Variants in SHISA3 observed in about 807,000 individuals in gnomAD.
The protein encoded by SHISA3 is protein shisa-3 homolog.
SHISA3 carries 15 observed loss-of-function variants against 19.2 expected under a neutral mutation model. That is an observed-to-expected ratio of 0.78 (90% CI 0.52 to 1.20). The LOEUF is 1.20. Among genes scored for constraint, SHISA3 ranks in the 50% most tolerant of loss-of-function variants. The pLI, the probability that SHISA3 is intolerant of heterozygous loss-of-function variation, is 0.00. For missense variants in SHISA3, 327 were observed against 315.7 expected (o/e 1.04, Z -0.27); for synonymous variants, 145 against 135.2 (o/e 1.07, Z -0.50).
At chr4:42,398,376 G>A in intron 1 of SHISA3, 43 bp downstream of exon 1, 4 of 1,484,428 alleles carry the variant, frequency 2.7e-6, no homozygotes, top group Non-Finnish European at 3.6e-6. Context: ...CCCGCCTAAC[G>A]GCGGCGGCTG....
Position 42,398,292 on chromosome 4 carries a change from C to G in SHISA3, c.236C>G (p.Thr79Ser). Residue 79 changes from threonine to serine, a missense_variant, in exon 1 of 2, where the codon ACC (threonine) becomes AGC (serine). Thr to Ser is a moderately conservative substitution (Grantham distance 58). Transcript: ENST00000319234. ...ADARLEQGGC[T>S]NDRRELEHPG... ...GCCAGGCTGGAGCAGGGCGGCTGCA[C>G]CAACGACCGCCGCGAACTGGAGCAC... 1 of 1,562,440 alleles carries G rather than the reference C, an allele frequency of 6.4e-7. No individual in the cohort carries two copies. Among genetic ancestry groups the G allele is most frequent in the Non-Finnish European group, 8.7e-7 (1 of 1,154,754 alleles).
chr4:42,398,736 G>C (rs777218351), intron 1 of SHISA3, among the ~76,000 whole-genome samples: 4 of 152,188 alleles, frequency 2.6e-5, no homozygotes, highest in Non-Finnish European at 5.9e-5. Context: ...TTGTCACTTC[G>C]GGAGCTTCGG....
chr4:42,397,545 C>G lies in SHISA3; in HGVS notation c.-512C>G, dbSNP rs1040530920. 6.6e-6 allele frequency among the ~76,000 whole-genome samples: 1 copy of G among 152,328 alleles called. No individual in the cohort carries two copies. The highest frequency in any genetic ancestry group is 1.5e-5 in the Non-Finnish European group (1 of 68,010). ...GCGGAGCTGACTCCTGCTCCTGTGA[C>G]AGATAGGGGCTGGGGCTGAGCGGCC... On this transcript the variant is annotated 5_prime_UTR_variant, in exon 1 of 2. Transcript: ENST00000319234.
At chr4:42,398,488 T>TG (rs1711814300) in intron 1 of SHISA3, among the ~76,000 whole-genome samples, 155 bp downstream of exon 1, 1 of 151,488 alleles carries the variant, frequency 6.6e-6, no homozygotes, top group South Asian at 2.1e-4. Flanking sequence ...AAGGGATGAG[T>TG]GGGTGGTCGC....
chr4:42,402,415 G>T lies in SHISA3; in HGVS notation c.*964G>T, dbSNP rs956532814. 6.6e-6 allele frequency: 1 copy of T among 151,978 alleles called. No homozygotes were observed. The highest frequency in any genetic ancestry group is 1.5e-5 in the Non-Finnish European group (1 of 68,012). 9.4% of individuals were successfully genotyped at this position (151,978 alleles called of 1,614,324 possible). On this transcript the variant is annotated 3_prime_UTR_variant, in exon 2 of 2. Transcript: ENST00000319234. ...TCCAGTGCCCCTGAATTTTATGTTT[G>T]ATGACTATATATTTGGGCATATATC...
At position 42,401,286 on chromosome 4, in the gene SHISA3, G is replaced by C. The variant is rs148621294; in HGVS notation, c.552G>C (p.Glu184Asp). 1 of 1,614,118 alleles carries C rather than the reference G, an allele frequency of 6.2e-7. No individual in the cohort carries two copies. The highest frequency in any genetic ancestry group is 1.3e-5 in the African/African-American group (1 of 75,064). Residue 184 changes from glutamate to aspartate, a missense_variant, in exon 2 of 2, where the codon GAG (glutamate) becomes GAC (aspartate). Glu to Asp is a conservative substitution (Grantham distance 45, BLOSUM62 2). Transcript: ENST00000319234. ...GCAGGTTCTCCTTTGCCAGGGCTGA[G>C]CCGGGCTGCCTGGTGCCCTCACCGC... ...SIRRFSFARA[E>D]PGCLVPSPPP...
Position 42,401,554 on chromosome 4 carries a change from C to G in SHISA3, c.*103C>G. ...TGAGAAAATTTCCCTTGTAACTGAT[C>G]AGTGTCATGGAGGAGCATGCTAGGA... On this transcript the variant is annotated 3_prime_UTR_variant, in exon 2 of 2. Transcript: ENST00000319234. The G allele has an allele frequency of 7.9e-7, 1 of 1,262,358 alleles. No homozygotes were observed. Among genetic ancestry groups the G allele is most frequent in the Non-Finnish European group, 1.1e-6 (1 of 911,474 alleles). The allele number at this position is 1,262,358 out of a possible 1,614,324, so 78.2% of individuals were successfully genotyped here. A position where few individuals can be genotyped will look rare whatever the true frequency, so the allele number is the denominator to read the frequency against.
Position 42,401,430 on chromosome 4 carries a change from T to C in SHISA3, c.696T>C (p.Cys232=). 1.3e-6 allele frequency: 2 copies of C among 1,583,356 alleles called. No homozygotes were observed. The highest frequency in any genetic ancestry group is 1.7e-6 in the Non-Finnish European group (2 of 1,166,250). The change falls in exon 2 of 2, where the codon TGT becomes TGC. Residue 232 remains cysteine (C), a synonymous_variant. Transcript: ENST00000319234. ...QQEPPLPGKS[C]PDFSSS is the part of the protein sequence containing the mutation. ...AGCCCCCACTGCCTGGGAAGAGCTG[T>C]CCAGACTTCAGTTCCAGTTGACACG...
intron 1 of SHISA3, among the ~76,000 whole-genome samples, chr4:42,398,566 G>A (rs566761846): frequency 6.6e-6 from 1 of 152,298 alleles, no homozygotes; most frequent in East Asian, 1.9e-4. Flanking sequence ...CTGCGGGTCG[G>A]CCCGCAGGGA....
rs905768398 is a variant in SHISA3 at position 42,397,654 on chromosome 4, C to T, written c.-403C>T. On this transcript the variant is annotated 5_prime_UTR_variant, in exon 1 of 2. Coordinates refer to ENST00000319234, the MANE Select transcript of SHISA3 (RefSeq NM_001080505.3). The stretch of plus-strand genomic sequence containing the variant: ...ACCCGGCGATCGCCACAGGTTGGGA[C>T]TCTGTGCGGCGCTGGAGTTGGCAGC... 6.6e-6 allele frequency among the ~76,000 whole-genome samples: 1 copy of T among 151,990 alleles called. No homozygotes were observed. Among genetic ancestry groups the T allele is most frequent in the Non-Finnish European group, 1.5e-5 (1 of 67,986 alleles).
At chr4:42,400,307 G>T (rs1345349458) in intron 1 of SHISA3, among the ~76,000 whole-genome samples, 4 of 152,202 alleles carry the variant, frequency 2.6e-5, no homozygotes, top group African/African-American at 9.6e-5. Context: ...ACCAAGAATT[G>T]CCTGGTGATC....
intron 1 of SHISA3, among the ~76,000 whole-genome samples, chr4:42,398,579 G>T (rs1212600022): frequency 6.6e-6 from 1 of 152,230 alleles, no homozygotes; most frequent in African/African-American, 2.4e-5. Context: ...CGCAGGGAAA[G>T]TTTGCCAGGG....
rs985974041 is a variant in SHISA3, at chr4:42,401,742, A to G, written c.*291A>G. On this transcript the variant is annotated 3_prime_UTR_variant, in exon 2 of 2. Transcript: ENST00000319234. ...TTGACTTTAAAGTTGCAAACTGGCT[A>G]AAAACGTTTTACTGGACATTCAGCT... 1 of 346,388 alleles carries G rather than the reference A, an allele frequency of 2.9e-6. No homozygotes were observed. The highest frequency in any genetic ancestry group is 5.2e-6 in the Non-Finnish European group (1 of 191,762). 21.5% of individuals were successfully genotyped at this position (346,388 alleles called of 1,614,324 possible).
In SHISA3 at chr4:42,401,234, G is replaced by C. The variant is rs759723911; in HGVS notation, c.500G>C (p.Ser167Thr). 4 of 1,614,052 alleles carry C rather than the reference G, an allele frequency of 2.5e-6. No individual in the cohort carries two copies. The African/African-American group carries it at 5.3e-5, about 22-fold the overall frequency. Residue 167 changes from serine to threonine, a missense_variant, in exon 2 of 2, where the codon AGC becomes ACC. Ser to Thr is a moderately conservative substitution (Grantham distance 58). Transcript: ENST00000319234. Reference protein sequence around the residue: ...APSRQSSTATSSSSTGGSIRR... With the variant: ...APSRQSSTATTSSSTGGSIRR... ...TCCCGGCAGTCCAGCACAGCCACGA[G>C]CTCCAGCTCCACAGGCGGCTCCATC...
intron 1 of SHISA3, among the ~76,000 whole-genome samples, chr4:42,399,490 C>G (rs1711845824): frequency 6.6e-6 from 1 of 152,218 alleles, no homozygotes; most frequent in African/African-American, 2.4e-5. Context: ...AATATAGACT[C>G]TTCCCCACGG....
At position 42,397,490 on chromosome 4, in the gene SHISA3, CA is replaced by C. The variant is rs1440152083; in HGVS notation, c.-565del. ...GACGCCTTGCGGGCAGAGCTGTCAG[CA>C]ACCCCGCGGCCGTTTGTACTTGGCC... is the stretch of plus-strand genomic sequence containing the variant. On this transcript the variant is annotated 5_prime_UTR_variant, in exon 1 of 2. Transcript: ENST00000319234. 6.6e-6 allele frequency among the ~76,000 whole-genome samples: 1 copy of C among 152,230 alleles called. No individual in the cohort carries two copies.
chr4:42,400,669 A>G (rs999197488), intron 1 of SHISA3, among the ~76,000 whole-genome samples: 1 of 152,038 alleles, frequency 6.6e-6, no homozygotes, highest in Non-Finnish European at 1.5e-5. Context: ...TTAAACCTAG[A>G]ATTATTTTAA....
Position 42,401,129 on chromosome 4 carries a change from A to T in SHISA3, c.395A>T (p.Gln132Leu), listed in dbSNP as rs867888953. ...TCLRPKEPSQ[Q>L]PIRFSLRSYQ... ...TTGAGACCCAAGGAGCCCTCGCAGC[A>T]GCCAATCCGCTTCTCACTCCGCAGC... Residue 132 changes from glutamine to leucine, a missense_variant, in exon 2 of 2, where the codon CAG (glutamine) becomes CTG (leucine). Transcript: ENST00000319234. 1.2e-6 allele frequency: 2 copies of T among 1,614,162 alleles called. No homozygotes were observed. Among genetic ancestry groups the T allele is most frequent in the Middle Eastern group, 3.3e-4 (2 of 6,062 alleles).
At chr4:42,400,546 G>C (rs1422495379) in intron 1 of SHISA3, among the ~76,000 whole-genome samples, 2 of 152,052 alleles carry the variant, frequency 1.3e-5, no homozygotes, top group African/African-American at 2.4e-5. Flanking sequence ...CATTTAATAG[G>C]CCTGGCTCCC....
Sources: allele counts gnomAD v4.1 joint callset (sites outside exome capture counted in the v4.1 genomes callset), GRCh38; gene constraint gnomAD v4.1.1; transcripts MANE v1.5; gene names NCBI Gene and HGNC (gene_info 2026-07-23, HGNC 2026-07-21).